CTNND2: variants seen among roughly 807,000 people sequenced by gnomAD.
The protein encoded by CTNND2 is catenin delta-2.
Under a neutral mutation model 144.4 loss-of-function variants are expected in CTNND2, and 22 were observed. The observed-to-expected ratio is 0.15, with a 90% CI of 0.11 to 0.22. The LOEUF is 0.22. Among genes scored for constraint, CTNND2 ranks in the 10% least tolerant of loss-of-function variants. The pLI is 1.00. For missense variants in CTNND2, 1,353 were observed against 1,618.8 expected (o/e 0.84, Z 2.82); for synonymous variants, 751 against 695.6 (o/e 1.08, Z -1.25).
intron 2 of CTNND2, among the ~76,000 whole-genome samples, chr5:11,691,093 C>T (rs949067757): frequency 4.6e-5 from 7 of 152,002 alleles, no homozygotes; most frequent in Non-Finnish European, 7.4e-5. Context: ...AAATAATGGC[C>T]GGGCGCGGTG....
At chr5:11,020,196 A>G (rs946163646) in intron 17 of CTNND2, among the ~76,000 whole-genome samples, 3 of 152,146 alleles carry the variant, frequency 2.0e-5, no homozygotes, top group East Asian at 1.9e-4. Context: ...CAACTCGCCA[A>G]TCTGACTCAT....
chr5:11,420,853 T>G (rs1018969748), intron 3 of CTNND2, among the ~76,000 whole-genome samples: 2 of 152,188 alleles, frequency 1.3e-5, no homozygotes, highest in African/African-American at 2.4e-5. Flanking sequence ...ATTATGAACA[T>G]TTTTACAGGC....
At chr5:11,536,924 A>G (rs1020542270) in intron 3 of CTNND2, among the ~76,000 whole-genome samples, 7 of 152,172 alleles carry the variant, frequency 4.6e-5, no homozygotes, top group East Asian at 1.9e-4. Flanking sequence ...AATGCATTTA[A>G]TATGTTAGAG....
rs111540012 is a variant in CTNND2, at chr5:11,835,015, T to G, written c.37+68802A>C. Reference sequence around the variant, plus strand: ...TCAGCCAGGCATGCTGGCACGTGTCTGTAGTCCAGCTACTCAGGAGGCTGA... The same window carrying G: ...TCAGCCAGGCATGCTGGCACGTGTCGGTAGTCCAGCTACTCAGGAGGCTGA... On this transcript the variant is annotated intron_variant, in intron 1 of 21. Transcript: ENST00000304623. 3.1e-3 allele frequency among the ~76,000 whole-genome samples: 479 copies of G among 152,308 alleles called. 3 individuals carry two copies. Among genetic ancestry groups the G allele is most frequent in the African/African-American group, 0.011 (444 of 41,570 alleles).
chr5:11,454,413 C>T (rs907619183), intron 3 of CTNND2, among the ~76,000 whole-genome samples: 3 of 150,656 alleles, frequency 2.0e-5, no homozygotes, highest in Non-Finnish European at 4.4e-5. Context: ...AGCGAGACTC[C>T]GTCTAATAAA....
chr5:11,054,489 C>T (rs1746152385), intron 16 of CTNND2, among the ~76,000 whole-genome samples: 1 of 152,124 alleles, frequency 6.6e-6, no homozygotes, highest in South Asian at 2.1e-4. Context: ...AAGCACATTT[C>T]CTACTACCTT....
At chr5:11,446,768 G>A (rs1236375658) in intron 3 of CTNND2, among the ~76,000 whole-genome samples, 1 of 152,134 alleles carries the variant, frequency 6.6e-6, no homozygotes, top group African/African-American at 2.4e-5. Flanking sequence ...GAGAGAAGAT[G>A]AGTTACAGAA....
intron 1 of CTNND2, among the ~76,000 whole-genome samples, chr5:11,850,271 A>C (rs1314741888): frequency 6.6e-6 from 1 of 152,136 alleles, no homozygotes; most frequent in Non-Finnish European, 1.5e-5. Context: ...TGGAAATGAG[A>C]AATATAAGTG....
At chr5:11,768,046 G>C (rs534968916) in intron 1 of CTNND2, among the ~76,000 whole-genome samples, 20 of 152,114 alleles carry the variant, frequency 1.3e-4, no homozygotes, top group African/African-American at 4.6e-4. Context: ...AATGGGAGTT[G>C]ACCTGCCTTA....
chr5:11,903,868 C>T lies in CTNND2; in HGVS notation c.-15G>A. 1 of 1,473,666 alleles carries T rather than the reference C, an allele frequency of 6.8e-7. No homozygotes were observed. Among genetic ancestry groups the T allele is most frequent in the Non-Finnish European group, 8.9e-7 (1 of 1,117,808 alleles). The allele number at this position is 1,473,666 out of a possible 1,614,324, so 91.3% of individuals were successfully genotyped here. ...CTCGCAAACATGCACCCTCCGCCGG[C>T]GACAGCTCCTCAGTCCGGGAAGAGG... On this transcript the variant is annotated 5_prime_UTR_variant, in exon 1 of 22. Transcript: ENST00000304623. This position sits in a 1 kb window ranked among gnomAD's most constrained non-coding sequence, Gnocchi z 5.4.
intron 16 of CTNND2, among the ~76,000 whole-genome samples, chr5:11,055,287 T>A (rs1253570162): frequency 6.6e-6 from 1 of 152,230 alleles, no homozygotes; most frequent in Non-Finnish European, 1.5e-5. Context: ...TGAGCTTCCT[T>A]CATTGACTAA....
rs761090206 is a variant in CTNND2 at position 11,159,626 on chromosome 5, T to A, written c.2109A>T (p.Lys703Asn). The A allele has an allele frequency of 1.2e-6, 2 of 1,613,632 alleles. No homozygotes were observed. Among genetic ancestry groups the A allele is most frequent in the South Asian group, 2.2e-5 (2 of 90,932 alleles). Residue 703 changes from lysine (K) to asparagine (N), a missense_variant, in exon 12 of 22, where the codon AAA (lysine) becomes AAT (asparagine). By Grantham distance (94) the Lys-to-Asn change is moderately conservative. Around this residue, in one of 4 missense-constraint regions of CTNND2, gnomAD observed 117 missense variants for 117.8 expected, o/e 0.99. Transcript: ENST00000304623. ...GCACCTGTGATGAATGCAGCTGTAT[T>A]TTCCGATCATCCTGAAGAGGCGAAT... ...WENSPLQDDR[K>N]IQLHSSQVLR...
chr5:11,324,885 T>C (rs1189996347), intron 9 of CTNND2, among the ~76,000 whole-genome samples: 1 of 152,132 alleles, frequency 6.6e-6, no homozygotes, highest in Admixed American at 6.5e-5. Flanking sequence ...AAGAACTGAG[T>C]GCTGATTTCT....
intron 16 of CTNND2, among the ~76,000 whole-genome samples, chr5:11,043,987 G>A (rs891410398): frequency 2.0e-5 from 3 of 152,192 alleles, no homozygotes; most frequent in Admixed American, 2.0e-4. Context: ...AGGGAGCCCA[G>A]GCAGGGGATA....
intron 3 of CTNND2, among the ~76,000 whole-genome samples, chr5:11,474,271 C>T (rs1017004503): frequency 1.4e-4 from 21 of 152,332 alleles, no homozygotes; most frequent in South Asian, 8.3e-4. Flanking sequence ...GGCCCACCTC[C>T]ATGCACTGGA....
chr5:11,846,179 G>A (rs1794726979), intron 1 of CTNND2, among the ~76,000 whole-genome samples: 1 of 152,080 alleles, frequency 6.6e-6, no homozygotes. Context: ...GGACAATTTT[G>A]TCATTGTTTT....
intron 9 of CTNND2, among the ~76,000 whole-genome samples, chr5:11,281,326 A>G (rs448930): frequency 0.35 from 52,696 of 151,938 alleles, 9,211 homozygotes; most frequent in Middle Eastern, 0.44. Context: ...AACTCCATCA[A>G]TTTTTCTAAA....
intron 16 of CTNND2, among the ~76,000 whole-genome samples, chr5:11,079,469 A>G (rs535525055): frequency 2.2e-4 from 34 of 152,288 alleles, no homozygotes; most frequent in African/African-American, 7.7e-4. Context: ...GAGAGGTTTC[A>G]GTAGATTCAT....
At chr5:11,488,423 A>G (rs540185184) in intron 3 of CTNND2, among the ~76,000 whole-genome samples, 1 of 152,294 alleles carries the variant, frequency 6.6e-6, no homozygotes, top group South Asian at 2.1e-4. Context: ...TCTCTTTCAC[A>G]TCGTAGATAA....
Sources: allele counts gnomAD v4.1 joint callset (sites outside exome capture counted in the v4.1 genomes callset), GRCh38; gene constraint gnomAD v4.1.1; regional missense constraint gnomAD v4.1.1; non-coding constraint Gnocchi (gnomAD v3.1); transcripts MANE v1.5; gene names NCBI Gene and HGNC (gene_info 2026-07-23, HGNC 2026-07-21).